The following SNX29 variants were observed in gnomAD, a reference collection of about 807,000 sequenced individuals.
SNX29 encodes sorting nexin 29.
SNX29 carries 78 observed loss-of-function variants against 102.1 expected under a neutral mutation model. The observed-to-expected ratio is 0.76, with a 90% CI of 0.64 to 0.92. SNX29 has a LOEUF of 0.92. SNX29 is among the 40% of genes least tolerant of loss of function. SNX29 has a pLI of 0.00. For missense variants in SNX29, 1,280 were observed against 1,061.7 expected (o/e 1.21, Z -2.86); for synonymous variants, 580 against 414.5 (o/e 1.40, Z -4.85).
chr16:12,530,915 A>C (rs1017203267), intron 20 of SNX29, among the ~76,000 whole-genome samples: 61 of 152,266 alleles, frequency 4.0e-4, no homozygotes, highest in Non-Finnish European at 7.4e-5. Flanking sequence ...TATCCACCGT[A>C]ATGGCTGTTT....
intron 19 of SNX29, among the ~76,000 whole-genome samples, chr16:12,478,570 A>G (rs942494352): frequency 6.6e-6 from 1 of 152,138 alleles, no homozygotes; most frequent in African/African-American, 2.4e-5. Context: ...TTGGGCTCCA[A>G]TTGTGTGTCA....
At chr16:12,560,536 A>G (rs759990264) in intron 20 of SNX29, among the ~76,000 whole-genome samples, 1 of 151,972 alleles carries the variant, frequency 6.6e-6, no homozygotes, top group Non-Finnish European at 1.5e-5. Context: ...GACCATTTCT[A>G]TTTCTGGTTG....
intron 3 of SNX29, among the ~76,000 whole-genome samples, chr16:12,009,238 T>G (rs2056563455): frequency 6.6e-6 from 1 of 151,232 alleles, no homozygotes; most frequent in Admixed American, 6.6e-5. Context: ...GCTGCCAAGG[T>G]GTTGGTGGAT....
chr16:12,274,300 A>AAAAGGAT lies in SNX29; in HGVS notation c.1679-3630_1679-3629insGGATAAA, dbSNP rs772977726. On this transcript the variant is annotated intron_variant, in intron 14 of 20. Transcript: ENST00000566228. Reference sequence around the variant, plus strand: ...GCCATTTCTAGTTTTTATCCTTTGTAAAAATTCTTCTTCCACTTCAGAAGT... The same window carrying AAAAGGAT: ...GCCATTTCTAGTTTTTATCCTTTGTAAAAGGATAAAATTCTTCTTCCACTTCAGAAGT... Among the ~76,000 whole-genome samples, 228 of 152,234 alleles carry AAAAGGAT rather than the reference A, an allele frequency of 1.5e-3. 1 individual carries two copies. Among genetic ancestry groups the AAAAGGAT allele is most frequent in the Admixed American group, 3.2e-3 (49 of 15,282 alleles).
intron 20 of SNX29, among the ~76,000 whole-genome samples, chr16:12,555,736 C>T (rs916312933): frequency 6.6e-6 from 1 of 152,052 alleles, no homozygotes; most frequent in African/African-American, 2.4e-5. Context: ...ACTTTTCCTT[C>T]CACCTCCCCA....
At chr16:12,105,756 C>T (rs577383603) in intron 11 of SNX29, among the ~76,000 whole-genome samples, 5 of 152,306 alleles carry the variant, frequency 3.3e-5, no homozygotes, top group South Asian at 4.2e-4. Flanking sequence ...CCCAGCAGTG[C>T]GGTGTGTGGT....
rs117814598 is a variant in SNX29 at position 12,156,762 on chromosome 16, G to A, written c.1595+27004G>A. On this transcript the variant is annotated intron_variant, in intron 13 of 20. Transcript: ENST00000566228. ...CCAAATGAATGAATTGATTCTCAGG[G>A]CTGTCTGTTTATCCAACGTCAGGAG... 5.8e-4 allele frequency among the ~76,000 whole-genome samples: 88 copies of A among 152,358 alleles called. 1 individual carries two copies. In the East Asian group the frequency reaches 0.014, roughly 24 times the overall value.
rs187855941 is a variant in SNX29 at position 12,470,094 on chromosome 16, C to A, written c.2038-7625C>A. On this transcript the variant is annotated intron_variant, in intron 18 of 20. Transcript: ENST00000566228. ...TAACATGTCTGGCACCTGACAGGTG[C>A]TGTGAAATGGTACAGCTTTTTCTGT... 7.7e-4 allele frequency among the ~76,000 whole-genome samples: 117 copies of A among 152,340 alleles called. 1 individual carries two copies. The highest frequency in any genetic ancestry group is 2.7e-3 in the African/African-American group (114 of 41,574).
At chr16:12,563,174 G>A (rs933664562) in intron 20 of SNX29, among the ~76,000 whole-genome samples, 1 of 145,476 alleles carries the variant, frequency 6.9e-6, no homozygotes, top group Non-Finnish European at 1.5e-5. Context: ...TCTGGGCTCA[G>A]GGATGTCACT....
chr16:12,556,856 G>GC (rs1347781014), intron 20 of SNX29, among the ~76,000 whole-genome samples: 6 of 151,334 alleles, frequency 4.0e-5, no homozygotes, highest in African/African-American at 1.5e-4. Context: ...GGAAAAAATT[G>GC]AATTTTTTTT....
chr16:12,091,429 C>T (rs188601103), intron 11 of SNX29, among the ~76,000 whole-genome samples: 2 of 152,072 alleles, frequency 1.3e-5, no homozygotes, highest in South Asian at 2.1e-4. Flanking sequence ...AGGAGGTGGG[C>T]GTTTGGGAGT....
intron 15 of SNX29, among the ~76,000 whole-genome samples, chr16:12,354,724 C>T (rs746556): frequency 0.05 from 7,549 of 152,164 alleles, 635 homozygotes; most frequent in East Asian, 0.38. Flanking sequence ...GGAGGAGGCA[C>T]AAAGGCATTA....
At chr16:12,029,839 G>A (rs574150017) in intron 4 of SNX29, 142 of 340,706 alleles carry the variant, frequency 4.2e-4, no homozygotes, top group Non-Finnish European at 6.7e-4. Flanking sequence ...TAATCTGCCC[G>A]CCTCGACCTC....
chr16:12,558,023 G>C (rs1314660092), intron 20 of SNX29, among the ~76,000 whole-genome samples: 1 of 152,176 alleles, frequency 6.6e-6, no homozygotes, highest in East Asian at 1.9e-4. Flanking sequence ...AGTGGGGAGA[G>C]CACTGTGAGG....
chr16:12,040,647 A>G (rs570716401), intron 4 of SNX29, among the ~76,000 whole-genome samples: 13 of 152,364 alleles, frequency 8.5e-5, no homozygotes, highest in African/African-American at 2.9e-4. Flanking sequence ...AAAGTTGGCC[A>G]TGTGCCATGC....
chr16:12,087,398 C>G (rs1222766069), intron 11 of SNX29: 3 of 170,528 alleles, frequency 1.8e-5, no homozygotes, highest in African/African-American at 7.2e-5. Context: ...GCCTGGGCAA[C>G]AGAGTGAGAC....
At chr16:12,242,254 GGGA>G (rs2078126601) in intron 14 of SNX29, among the ~76,000 whole-genome samples, 1 of 151,580 alleles carries the variant, frequency 6.6e-6, no homozygotes, top group African/African-American at 2.4e-5. Context: ...TTGACTTCTT[GGGA>G]GGAGAAGGAA....
intron 19 of SNX29, among the ~76,000 whole-genome samples, chr16:12,518,764 G>A (rs1042759155): frequency 3.3e-5 from 5 of 152,264 alleles, no homozygotes; most frequent in Middle Eastern, 3.4e-3. Context: ...CTGAGCCTGG[G>A]TTATCACCAA....
At chr16:12,264,094 G>A (rs2078856187) in intron 14 of SNX29, among the ~76,000 whole-genome samples, 1 of 152,222 alleles carries the variant, frequency 6.6e-6, no homozygotes, top group African/African-American at 2.4e-5. Flanking sequence ...TCTTTGTTCT[G>A]GGCAGGAGAC....
Sources: gnomAD v4.1 joint callset for allele counts (sites outside exome capture counted in the v4.1 genomes callset) on GRCh38, gnomAD v4.1.1 for gene constraint, MANE v1.5 for transcripts, NCBI Gene and HGNC (gene_info 2026-07-23, HGNC 2026-07-21) for gene names.